MED21: variants seen among roughly 807,000 people sequenced by gnomAD.
MED21 encodes the protein mediator complex subunit 21.
MED21 carries 9 observed loss-of-function variants against 18.2 expected under a neutral mutation model. The ratio of observed to expected loss-of-function variants is 0.49; its 90% CI spans 0.30 to 0.86. The LOEUF (loss-of-function observed/expected upper bound fraction) is 0.86, where lower values mean the gene tolerates loss of function less well. Among genes scored for constraint, MED21 ranks in the 40% least tolerant of loss-of-function variants. The pLI, the probability that MED21 is intolerant of heterozygous loss-of-function variation, is 0.07. For synonymous variants in MED21, 73 were observed against 60.5 expected, an observed-to-expected ratio of 1.21 and a Z score of -0.96; for missense variants, 150 against 170.9, an observed-to-expected ratio of 0.88 and a Z score of 0.68.
intron 1 of MED21, among the ~76,000 whole-genome samples, chr12:27,024,948 T>C (rs1436664542): frequency 6.6e-6 from 1 of 152,360 alleles, no homozygotes; most frequent in East Asian, 1.9e-4. Context: ...GAATTATTTG[T>C]ATAACTTTTA....
Position 27,025,496 on chromosome 12 carries a change from A to C in MED21, c.43-924A>C, listed in dbSNP as rs368777742. ...TGGTGAACTGGAAAACAACAAGAAGACTATTGTAATAATTCTGGTGTGAGA... is the reference window on the plus strand; with the variant it reads ...TGGTGAACTGGAAAACAACAAGAAGCCTATTGTAATAATTCTGGTGTGAGA... On this transcript the variant is annotated intron_variant, in intron 1 of 3. Transcript: ENST00000282892. Among the ~76,000 whole-genome samples, 67 of 152,304 alleles carry C rather than the reference A, an allele frequency of 4.4e-4. 1 individual carries two copies. Among genetic ancestry groups the C allele is most frequent in the African/African-American group, 1.4e-3 (58 of 41,566 alleles).
At chr12:27,024,857 G>A (rs1394273748) in intron 1 of MED21, among the ~76,000 whole-genome samples, 1 of 152,188 alleles carries the variant, frequency 6.6e-6, no homozygotes, top group Non-Finnish European at 1.5e-5. Flanking sequence ...AGTATTTTCA[G>A]CTTCAGGTTC....
chr12:27,029,707 A>C lies in MED21; in HGVS notation c.*1246A>C, dbSNP rs1291781805. On this transcript the variant is annotated 3_prime_UTR_variant, in exon 4 of 4. Transcript: ENST00000282892. ...GTCATAGAAAATTTTTGAACTTTTAACTGTATTTTAATTGATGTTTATTAA... is the reference window on the plus strand; with the variant it reads ...GTCATAGAAAATTTTTGAACTTTTACCTGTATTTTAATTGATGTTTATTAA... 1 of 985,098 alleles carries C rather than the reference A, an allele frequency of 1.0e-6. No homozygotes were observed. The highest frequency in any genetic ancestry group is 1.1e-4 in the East Asian group (1 of 8,834). The allele number at this position is 985,098 out of a possible 1,614,324, so 61.0% of individuals were successfully genotyped here.
At chr12:27,034,126 T>G (rs1941635721), downstream of MED21, among the ~76,000 whole-genome samples, 1 of 152,078 alleles carries the variant, frequency 6.6e-6, no homozygotes, top group South Asian at 2.1e-4. Context: ...TCAAAAAAAG[T>G]TTAAATTTGG....
intron 1 of MED21, among the ~76,000 whole-genome samples, chr12:27,024,983 C>T (rs902219186): frequency 6.6e-6 from 1 of 152,120 alleles, no homozygotes; most frequent in Non-Finnish European, 1.5e-5. Context: ...CTCTGAAAAC[C>T]GTGAGTGCAG....
At chr12:27,033,958 A>T (rs1941634951), downstream of MED21, among the ~76,000 whole-genome samples, 1 of 152,224 alleles carries the variant, frequency 6.6e-6, no homozygotes, top group African/African-American at 2.4e-5. Context: ...TAATAAAGGT[A>T]ACAGCAGAAA....
chr12:27,032,707 G>C (rs893670125), downstream of MED21, among the ~76,000 whole-genome samples: 3 of 152,142 alleles, frequency 2.0e-5, no homozygotes, highest in African/African-American at 7.2e-5. Context: ...ATTTACCTAT[G>C]ATAAAGCCAG....
chr12:27,033,924 C>A (rs1021679353), downstream of MED21, among the ~76,000 whole-genome samples: 2 of 151,818 alleles, frequency 1.3e-5, no homozygotes, highest in Non-Finnish European at 2.9e-5. Context: ...AGCTAAGTAT[C>A]TAACTGAAAG....
chr12:27,028,258 A>C (rs757908672), intron 3 of MED21, 27 bp from the exon 4 acceptor site: 9 of 1,569,622 alleles, frequency 5.7e-6, no homozygotes, highest in African/African-American at 2.7e-5. Context: ...TAAACTCTAA[A>C]GATTTTAAAA....
downstream of MED21, among the ~76,000 whole-genome samples, chr12:27,033,060 C>T (rs181554341): frequency 0.02 from 3,018 of 152,278 alleles, 100 homozygotes; most frequent in African/African-American, 0.068. Flanking sequence ...TCTATCTGAT[C>T]TTTGAGATGC....
chr12:27,031,309 T>A (rs955585355), downstream of MED21, among the ~76,000 whole-genome samples: 4 of 152,190 alleles, frequency 2.6e-5, no homozygotes, highest in African/African-American at 9.7e-5. Context: ...TGATTTTTTT[T>A]AAAGCCTTAA....
At chr12:27,027,056 G>C (rs1027728488) in intron 2 of MED21, among the ~76,000 whole-genome samples, 2 of 152,148 alleles carry the variant, frequency 1.3e-5, no homozygotes, top group Non-Finnish European at 2.9e-5. Context: ...AGCCTCCTGA[G>C]TAGCTGGGAT....
chr12:27,028,945 T>C lies in MED21; in HGVS notation c.*484T>C. The stretch of plus-strand genomic sequence containing the variant: ...AGAAAGTTTTGGAAATTGTGTTGCT[T>C]TTAAGAAATAGAGTTAGTGTGGCTG... On this transcript the variant is annotated 3_prime_UTR_variant, in exon 4 of 4. Coordinates refer to ENST00000282892, the MANE Select transcript of MED21 (RefSeq NM_004264.5). 1.0e-6 allele frequency: 1 copy of C among 985,672 alleles called. No individual in the cohort carries two copies. Among genetic ancestry groups the C allele is most frequent in the Non-Finnish European group, 1.2e-6 (1 of 830,080 alleles). 61.1% of individuals were successfully genotyped at this position (985,672 alleles called of 1,614,324 possible).
chr12:27,026,773 T>A (rs1460846852), intron 2 of MED21, among the ~76,000 whole-genome samples: 6 of 152,240 alleles, frequency 3.9e-5, no homozygotes, highest in Non-Finnish European at 7.3e-5. Context: ...TTAATTTAGC[T>A]GAGTGAGGGA....
At chr12:27,034,871 C>T (rs1941639989), downstream of MED21, among the ~76,000 whole-genome samples, 1 of 152,194 alleles carries the variant, frequency 6.6e-6, no homozygotes, top group African/African-American at 2.4e-5. Context: ...ATGCCTCAGC[C>T]TCCTGAGTAG....
At chr12:27,024,326 G>C (rs944136151) in intron 1 of MED21, among the ~76,000 whole-genome samples, 1 of 151,526 alleles carries the variant, frequency 6.6e-6, no homozygotes, top group Admixed American at 6.6e-5. Context: ...CTAATAACTT[G>C]GCATTTTTCT....
At chr12:27,023,006 C>A in intron 1 of MED21, 1 of 796,264 alleles carries the variant, frequency 1.3e-6, no homozygotes, top group Non-Finnish European at 1.6e-6. Context: ...TTTTTCTTTC[C>A]TCATCAATTT....
At position 27,029,709 on chromosome 12, in the gene MED21, T is replaced by C. The variant is rs1941592480; in HGVS notation, c.*1248T>C. 1.0e-6 allele frequency: 1 copy of C among 984,992 alleles called. No individual in the cohort carries two copies. Among genetic ancestry groups the C allele is most frequent in the Non-Finnish European group, 1.2e-6 (1 of 829,478 alleles). 61.0% of individuals were successfully genotyped at this position (984,992 alleles called of 1,614,324 possible). On this transcript the variant is annotated 3_prime_UTR_variant, in exon 4 of 4. Coordinates refer to ENST00000282892, the MANE Select transcript of MED21 (RefSeq NM_004264.5). ...CATAGAAAATTTTTGAACTTTTAAC[T>C]GTATTTTAATTGATGTTTATTAAAA...
At chr12:27,036,949 A>G (rs1166855925) in intron 2 of MED21, among the ~76,000 whole-genome samples, 2 of 152,184 alleles carry the variant, frequency 1.3e-5, no homozygotes. Flanking sequence ...TATGAACTTT[A>G]AAGTAGTTTT....
Sources: allele counts gnomAD v4.1 joint callset (sites outside exome capture counted in the v4.1 genomes callset), GRCh38; gene constraint gnomAD v4.1.1; transcripts MANE v1.5; gene names NCBI Gene and HGNC (gene_info 2026-07-23, HGNC 2026-07-21).